The following RABGAP1L variants were observed in gnomAD, a reference collection of about 807,000 sequenced individuals.
RABGAP1L encodes rab GTPase-activating protein 1-like.
In RABGAP1L, 63 loss-of-function variants were observed where a neutral mutation model predicts 137.7. The observed-to-expected ratio is 0.46, with a 90% CI of 0.37 to 0.56. The LOEUF (loss-of-function observed/expected upper bound fraction) is 0.56, where lower values mean the gene tolerates loss of function less well. Ranked by LOEUF, RABGAP1L falls within the 20% of genes least tolerant of loss-of-function variation. The pLI is 0.00. For synonymous variants in RABGAP1L, 431 were observed against 433.7 expected (o/e 0.99, Z 0.08); for missense variants, 1,095 against 1,244.0 (o/e 0.88, Z 1.80).
intron 10 of RABGAP1L, among the ~76,000 whole-genome samples, chr1:174,300,178 A>G (rs962483757): frequency 2.6e-5 from 4 of 152,134 alleles, no homozygotes; most frequent in African/African-American, 9.7e-5. Context: ...ATGTCAAATA[A>G]TCCTGTTTAC....
intron 11 of RABGAP1L, among the ~76,000 whole-genome samples, chr1:174,349,479 A>G (rs1179417755): frequency 5.2e-4 from 47 of 89,696 alleles, no homozygotes; most frequent in African/African-American, 1.2e-3. Flanking sequence ...CCTCCCTCCC[A>G]GACAGGGCGG....
chr1:174,538,442 C>A (rs1426425002), intron 13 of RABGAP1L, among the ~76,000 whole-genome samples: 1 of 152,126 alleles, frequency 6.6e-6, no homozygotes, highest in South Asian at 2.1e-4. Context: ...TACTCTGTAT[C>A]CTGTATAGTT....
Position 174,384,899 on chromosome 1 carries a change from TTA to T in RABGAP1L, c.1560-9091_1560-9090del, listed in dbSNP as rs528191639. 1.9e-3 allele frequency among the ~76,000 whole-genome samples: 284 copies of T among 152,352 alleles called. 2 individuals carry two copies. Among genetic ancestry groups the T allele is most frequent in the African/African-American group, 6.6e-3 (273 of 41,588 alleles). On this transcript the variant is annotated intron_variant, in intron 12 of 25. Transcript: ENST00000681986. ...ATATTTGGTAATTAATTATCTTGTC[TTA>T]TATAGTGTTTTAAGAAATCTAAGTT... is the stretch of plus-strand genomic sequence containing the variant.
chr1:174,815,862 C>T (rs1690340711), intron 19 of RABGAP1L, among the ~76,000 whole-genome samples: 1 of 152,134 alleles, frequency 6.6e-6, no homozygotes, highest in Admixed American at 6.5e-5. Flanking sequence ...AACATATTGA[C>T]CCATCAGGCT....
intron 18 of RABGAP1L, chr1:174,800,623 G>C (rs1486118214): frequency 5.7e-6 from 8 of 1,410,810 alleles, no homozygotes; most frequent in Non-Finnish European, 2.8e-6. Context: ...ATTCTGCCGA[G>C]AAGGAAATGC....
At chr1:174,815,304 T>C (rs923655719) in intron 19 of RABGAP1L, among the ~76,000 whole-genome samples, 4 of 152,188 alleles carry the variant, frequency 2.6e-5, no homozygotes, top group African/African-American at 4.8e-5. Flanking sequence ...GATGGACTTA[T>C]AGACTGAGAC....
At chr1:174,819,369 CT>C (rs371538460) in intron 19 of RABGAP1L, among the ~76,000 whole-genome samples, 27 of 152,112 alleles carry the variant, frequency 1.8e-4, no homozygotes, top group East Asian at 1.4e-3. Flanking sequence ...CTCTTAATTT[CT>C]TCTTTGAGCA....
intron 18 of RABGAP1L, among the ~76,000 whole-genome samples, chr1:174,782,942 G>A (rs953220303): frequency 6.6e-6 from 1 of 152,186 alleles, no homozygotes; most frequent in Non-Finnish European, 1.5e-5. Flanking sequence ...TTCCGGAGCT[G>A]GGATCGGGCA....
chr1:174,877,473 T>C, intron 19 of RABGAP1L: 5 of 1,613,928 alleles, frequency 3.1e-6, no homozygotes, highest in Non-Finnish European at 4.2e-6. Context: ...CAGCTGCTGC[T>C]GTGGAAAGGC....
intron 14 of RABGAP1L, among the ~76,000 whole-genome samples, chr1:174,664,734 C>CTTTTTTTT (rs71701825): frequency 2.7e-4 from 26 of 97,564 alleles, no homozygotes; most frequent in Middle Eastern, 7.7e-3. Context: ...TTTCTGCTTT[C>CTTTTTTTT]TTTTTTTTTT....
chr1:174,244,653 A>G (rs772198869), intron 5 of RABGAP1L: 1 of 152,212 alleles, frequency 6.6e-6, no homozygotes, highest in Non-Finnish European at 1.5e-5. Context: ...GGAGAATGAT[A>G]TGCTAGGCTT....
At chr1:174,404,619 A>G (rs1649043372) in intron 13 of RABGAP1L, among the ~76,000 whole-genome samples, 1 of 152,192 alleles carries the variant, frequency 6.6e-6, no homozygotes, top group Non-Finnish European at 1.5e-5. Flanking sequence ...TAAAGCATCT[A>G]TTCAGTTCAT....
At chr1:174,327,695 C>T (rs778659985) in intron 11 of RABGAP1L, among the ~76,000 whole-genome samples, 28 of 151,732 alleles carry the variant, frequency 1.8e-4, no homozygotes, top group East Asian at 1.7e-3. Flanking sequence ...TTTGAAAAGA[C>T]GCAGAGTGGC....
chr1:174,608,769 C>T (rs953839783), intron 13 of RABGAP1L, among the ~76,000 whole-genome samples: 1 of 152,026 alleles, frequency 6.6e-6, no homozygotes, highest in Non-Finnish European at 1.5e-5. Flanking sequence ...GTAGATTAAC[C>T]TAAAAGTACT....
intron 13 of RABGAP1L, among the ~76,000 whole-genome samples, chr1:174,540,565 T>G (rs939450373): frequency 2.0e-4 from 31 of 152,120 alleles, no homozygotes; most frequent in African/African-American, 6.8e-4. Context: ...TTTCCCCATT[T>G]CTTGTTTTTG....
intron 13 of RABGAP1L, among the ~76,000 whole-genome samples, chr1:174,431,528 A>T (rs1324204481): frequency 6.6e-6 from 1 of 152,196 alleles, no homozygotes; most frequent in Non-Finnish European, 1.5e-5. Context: ...GAGCTATGGC[A>T]CTTTACTCAT....
intron 1 of RABGAP1L, among the ~76,000 whole-genome samples, chr1:174,195,645 CTTCCTTCCT>C (rs1267942459): frequency 1.2e-4 from 11 of 91,702 alleles, no homozygotes; most frequent in East Asian, 7.4e-4. Context: ...TCCTTCCTTC[CTTCCTTCCT>C]TTCCTTTCCT....
At chr1:174,239,586 C>G (rs1024768202) in intron 4 of RABGAP1L, among the ~76,000 whole-genome samples, 1 of 151,898 alleles carries the variant, frequency 6.6e-6, no homozygotes, top group Admixed American at 6.6e-5. Flanking sequence ...CTTCGTAGCA[C>G]TTTTCTTTGA....
At chr1:174,514,038 A>T (rs1242317834) in intron 13 of RABGAP1L, among the ~76,000 whole-genome samples, 1 of 152,130 alleles carries the variant, frequency 6.6e-6, no homozygotes, top group Non-Finnish European at 1.5e-5. Flanking sequence ...TTAAAGATGA[A>T]GGTTCAGCTA....
Sources: gnomAD v4.1 joint callset for allele counts (sites outside exome capture counted in the v4.1 genomes callset) on GRCh38, gnomAD v4.1.1 for gene constraint, MANE v1.5 for transcripts, NCBI Gene and HGNC (gene_info 2026-07-23, HGNC 2026-07-21) for gene names.